The following GLB1L3 variants were observed in gnomAD, a reference collection of about 807,000 sequenced individuals.
GLB1L3 encodes the protein galactosidase beta 1 like 3, also known as beta-galactosidase-1-like protein 3.
In GLB1L3, 89 loss-of-function variants were observed where a neutral mutation model predicts 89.5. The observed-to-expected ratio is 0.99, with a 90% CI of 0.84 to 1.19. GLB1L3 has a LOEUF of 1.19. Among genes scored for constraint, GLB1L3 ranks in the 50% most tolerant of loss-of-function variants. The pLI, the probability that GLB1L3 is intolerant of heterozygous loss-of-function variation, is 0.00. For missense variants in GLB1L3, 812 were observed against 813.3 expected, an observed-to-expected ratio of 1.00 and a Z score of 0.02; for synonymous variants, 314 against 312.3, an observed-to-expected ratio of 1.01 and a Z score of -0.06.
downstream of GLB1L3, among the ~76,000 whole-genome samples, chr11:134,324,069 G>A (rs1943195851): frequency 6.6e-6 from 1 of 152,178 alleles, no homozygotes; most frequent in South Asian, 2.1e-4. Context: ...ATAATTGCAT[G>A]GCAACTTTAT....
intron 10 of GLB1L3, among the ~76,000 whole-genome samples, chr11:134,308,389 TCAC>T (rs1565413475): frequency 1.6e-4 from 5 of 30,526 alleles, no homozygotes; most frequent in Admixed American, 4.4e-4. Context: ...ATCACCACCA[TCAC>T]CACCATCACC....
At chr11:134,286,942 C>T (rs1162911733) in intron 6 of GLB1L3, among the ~76,000 whole-genome samples, 2 of 151,070 alleles carry the variant, frequency 1.3e-5, no homozygotes, top group Non-Finnish European at 2.9e-5. Flanking sequence ...GGGTGGATCA[C>T]GAGGTCAGGA....
At chr11:134,311,225 G>A in intron 13 of GLB1L3, 55 bp downstream of exon 13, 2 of 1,266,328 alleles carry the variant, frequency 1.6e-6, no homozygotes, top group Non-Finnish European at 2.3e-6. Flanking sequence ...ATGGGGGAGG[G>A]ATTCCTTCAG....
At chr11:134,275,987 C>G (rs1356171343), upstream of GLB1L3, 2 of 152,682 alleles carry the variant, frequency 1.3e-5, no homozygotes, top group Non-Finnish European at 2.9e-5. Context: ...TTAGTTTCTG[C>G]TGGAAACCGT....
chr11:134,290,569 C>A (rs1430884628), intron 7 of GLB1L3, among the ~76,000 whole-genome samples: 1 of 100,150 alleles, frequency 1.0e-5, no homozygotes. Context: ...TGAGACTCGT[C>A]CCCCCCCGCC....
chr11:134,283,067 A>AT lies in GLB1L3; in HGVS notation c.528-658dup, dbSNP rs896541749. On this transcript the variant is annotated intron_variant, in intron 5 of 19. Transcript: ENST00000431683. ...AAGGAAATTTTTTCTGTCCCCAAGAATTTTTTTTTTTTAAGACGGAGTCTT... is the reference window on the plus strand; with the variant it reads ...AAGGAAATTTTTTCTGTCCCCAAGAATTTTTTTTTTTTTAAGACGGAGTCTT... Among the ~76,000 whole-genome samples the AT allele has an allele frequency of 1.9e-3, 280 of 147,798 alleles. 1 individual carries two copies. The highest frequency in any genetic ancestry group is 5.7e-3 in the African/African-American group (233 of 40,528).
intron 12 of GLB1L3, 162 bp downstream of exon 12, chr11:134,310,813 G>A (rs1034925232): frequency 4.1e-5 from 26 of 632,158 alleles, no homozygotes; most frequent in African/African-American, 3.5e-4. Context: ...TAAAATCTGT[G>A]TGATTTTTTA....
At position 134,277,404 on chromosome 11, in the gene GLB1L3, G is replaced by A; in HGVS notation, c.102G>A (p.Lys34=). ...FISSGFAPRF[K]QEENFMLGRA... ...CATCAGGTTTTGCTCCTCGGTTTAAGCAGGAAGAGAACTTCATGCTTGGAA... is the reference window on the plus strand; with the variant it reads ...CATCAGGTTTTGCTCCTCGGTTTAAACAGGAAGAGAACTTCATGCTTGGAA... Residue 34 remains lysine (K), a synonymous_variant, in exon 2 of 20, where the codon AAG becomes AAA. Transcript: ENST00000431683. The A allele has an allele frequency of 6.2e-7, 1 of 1,613,948 alleles. No homozygotes were observed. The highest frequency in any genetic ancestry group is 8.5e-7 in the Non-Finnish European group (1 of 1,179,896).
rs570929827 is a variant in GLB1L3, at chr11:134,306,299, A to G, written c.877-825A>G. On this transcript the variant is annotated intron_variant, in intron 9 of 19. Coordinates refer to ENST00000431683, the MANE Select transcript of GLB1L3 (RefSeq NM_001080407.3). ...TAAATGAATTTTAACTTAGAATTTT[A>G]TACCCAATTAATAATTTTAAATATT... Among the ~76,000 whole-genome samples, 22 of 152,380 alleles carry G rather than the reference A, an allele frequency of 1.4e-4. 1 individual carries two copies. The South Asian group carries it at 3.9e-3, about 27-fold the overall frequency.
At position 134,313,403 on chromosome 11, in the gene GLB1L3, G is replaced by T; in HGVS notation, c.1508G>T (p.Arg503Leu). 1 of 1,580,206 alleles carries T rather than the reference G, an allele frequency of 6.3e-7. No individual in the cohort carries two copies. The highest frequency in any genetic ancestry group is 1.2e-5 in the South Asian group (1 of 85,906). Residue 503 changes from arginine (R) to leucine (L), a missense_variant, in exon 16 of 20, where the codon CGA becomes CTA. Physicochemically the swap from Arg to Leu is moderately radical, Grantham distance 102. This residue lies in a region of GLB1L3 where 618 missense variants were observed against 604.0 expected (regional missense o/e 1.02). Transcript: ENST00000431683. ...DLHIPELRDC[R>L]YLRILVENQG... ...CCTGGCCTGTCCCAGCAGGACTGCC[G>T]ATACCTGAGGATCCTGGTGGAGAAT...
rs764176261 is a variant in GLB1L3, at chr11:134,277,920, C to G, written c.362+8C>G. On this transcript the variant is annotated splice_region_variant and intron_variant, in intron 3 of 19. Coordinates refer to ENST00000431683, the MANE Select transcript of GLB1L3 (RefSeq NM_001080407.3). The stretch of plus-strand genomic sequence containing the variant: ...CTTCAATACTGTCACCACGTGAGTG[C>G]CGGCCCCTCACCTCCAGGATCTCGT... 6.2e-6 allele frequency: 10 copies of G among 1,612,782 alleles called. No homozygotes were observed. In the East Asian group the frequency reaches 2.2e-4, roughly 36 times the overall value.
At chr11:134,312,676 C>A in intron 14 of GLB1L3, 140 bp from the exon 15 acceptor site, 1 of 961,920 alleles carries the variant, frequency 1.0e-6, no homozygotes, top group East Asian at 2.6e-5. Context: ...CTCTTGGGGC[C>A]TCCAGGCAGC....
intron 8 of GLB1L3, chr11:134,292,600 A>T (rs1356400535): frequency 9.5e-6 from 2 of 210,772 alleles, no homozygotes; most frequent in Admixed American, 5.2e-5. Context: ...TGTGTCAGGA[A>T]CCCCGCCTAG....
chr11:134,287,664 G>A (rs557216714), intron 6 of GLB1L3, among the ~76,000 whole-genome samples: 2 of 152,204 alleles, frequency 1.3e-5, no homozygotes, highest in South Asian at 2.1e-4. Context: ...ATTGCTGAGC[G>A]CCAGGGCCTG....
rs867502487 is a variant in GLB1L3, at chr11:134,308,437, C to T, written c.962-1189C>T. Among the ~76,000 whole-genome samples the T allele has an allele frequency of 1.3e-3, 73 of 54,568 alleles. 1 individual carries two copies. Among genetic ancestry groups the T allele is most frequent in the Non-Finnish European group, 1.6e-3 (48 of 29,742 alleles). The allele number at this position is 54,568 out of a possible 152,430, so 35.8% of individuals were successfully genotyped here. On this transcript the variant is annotated intron_variant, in intron 10 of 19. Transcript: ENST00000431683. ...ACCACCATCATCACCATCACCACCACCACCACCATCACCACCACCACCACC... is the reference window on the plus strand; with the variant it reads ...ACCACCATCATCACCATCACCACCATCACCACCATCACCACCACCACCACC...
At chr11:134,312,755 G>T (rs1450668993) in intron 14 of GLB1L3, 61 bp from the exon 15 acceptor site, 2 of 1,390,270 alleles carry the variant, frequency 1.4e-6, no homozygotes, top group Non-Finnish European at 2.0e-6. Flanking sequence ...CGAAACCGCG[G>T]CCTCTCTTCT....
At chr11:134,286,600 C>T (rs975372564) in intron 6 of GLB1L3, among the ~76,000 whole-genome samples, 2 of 151,650 alleles carry the variant, frequency 1.3e-5, no homozygotes, top group African/African-American at 4.8e-5. Context: ...CACGGTGAAA[C>T]CCCGTCTCTA....
At chr11:134,286,717 C>T (rs1941014186) in intron 6 of GLB1L3, among the ~76,000 whole-genome samples, 1 of 150,886 alleles carries the variant, frequency 6.6e-6, no homozygotes, top group East Asian at 2.0e-4. Flanking sequence ...GCGGAGCTTG[C>T]AGGGAGCCAA....
At chr11:134,292,895 T>C in intron 8 of GLB1L3, 1 of 567,226 alleles carries the variant, frequency 1.8e-6, no homozygotes, top group Non-Finnish European at 3.1e-6. Flanking sequence ...TCAGGGAGCC[T>C]TGGCCTGGCT....
Sources: allele counts gnomAD v4.1 joint callset (sites outside exome capture counted in the v4.1 genomes callset), GRCh38; gene constraint gnomAD v4.1.1; regional missense constraint gnomAD v4.1.1; transcripts MANE v1.5; gene names NCBI Gene and HGNC (gene_info 2026-07-23, HGNC 2026-07-21).